Variants in PCDHGA6 observed in about 807,000 individuals in gnomAD.
The protein encoded by PCDHGA6 is protocadherin gamma subfamily A, 6.
PCDHGA6 carries 41 observed loss-of-function variants against 60.6 expected under a neutral mutation model. The ratio of observed to expected loss-of-function variants is 0.68; its 90% CI spans 0.53 to 0.88. PCDHGA6 has a LOEUF of 0.88. Ranked by LOEUF, PCDHGA6 falls within the 40% of genes least tolerant of loss-of-function variation. PCDHGA6 has a pLI of 0.00. For missense variants in PCDHGA6, 1,312 were observed against 1,203.0 expected, an observed-to-expected ratio of 1.09 and a Z score of -1.34; for synonymous variants, 594 against 524.4, an observed-to-expected ratio of 1.13 and a Z score of -1.81.
At position 141,486,392 on chromosome 5, in the gene PCDHGA6, C is replaced by T; in HGVS notation, c.2425-8415C>T. ...GTCTGCCTTCAGGAACCAGTTCTCC[C>T]TGGTGACTGCTGGACCCTTGGATCG... On this transcript the variant is annotated intron_variant, in intron 1 of 3. Coordinates refer to ENST00000517434, the MANE Select transcript of PCDHGA6 (RefSeq NM_018919.3). The surrounding 1 kb of genome is among the most constrained non-coding windows in gnomAD (Gnocchi z 5.0). 1 of 1,614,170 alleles carries T rather than the reference C, an allele frequency of 6.2e-7. No individual in the cohort carries two copies. Among genetic ancestry groups the T allele is most frequent in the Non-Finnish European group, 8.5e-7 (1 of 1,180,014 alleles).
intron 1 of PCDHGA6, among the ~76,000 whole-genome samples, chr5:141,465,130 AAG>A (rs1277023430): frequency 2.6e-5 from 4 of 151,968 alleles, no homozygotes; most frequent in Non-Finnish European, 5.9e-5. Flanking sequence ...AATTTGTAAA[AAG>A]TTTAGGGGAT....
Position 141,475,863 on chromosome 5 carries a change from C to G in PCDHGA6, c.2425-18944C>G, listed in dbSNP as rs1037784260. On this transcript the variant is annotated intron_variant, in intron 1 of 3. Transcript: ENST00000517434. ...TCAGAGAGCCCGGCGCTAGCTCATT[C>G]TTCGTGCAGTTATTGGCTGGGACTC... is the stretch of plus-strand genomic sequence containing the variant. 1.4e-5 allele frequency: 7 copies of G among 499,790 alleles called. 1 individual carries two copies. The highest frequency in any genetic ancestry group is 1.4e-4 in the African/African-American group (7 of 51,600). The allele number at this position is 499,790 out of a possible 1,614,324, so 31.0% of individuals were successfully genotyped here. A position where few individuals can be genotyped will look rare whatever the true frequency, so the allele number is the denominator to read the frequency against.
chr5:141,427,807 A>T (rs1443881781), intron 1 of PCDHGA6: 2 of 1,521,932 alleles, frequency 1.3e-6, no homozygotes, highest in East Asian at 2.3e-5. Flanking sequence ...GTGAGCGCAC[A>T]GAGCGGGGTG....
chr5:141,477,857 C>T lies in PCDHGA6; in HGVS notation c.2425-16950C>T. ...AGGTGGGAGCTCGGTGGAGATGCTG[C>T]CTCGAGGTACCTCAGCTGGCCACCT... On this transcript the variant is annotated intron_variant, in intron 1 of 3. Transcript: ENST00000517434. The surrounding 1 kb of genome is among the most constrained non-coding windows in gnomAD (Gnocchi z 4.9). The T allele has an allele frequency of 6.2e-7, 1 of 1,613,574 alleles. No individual in the cohort carries two copies. The highest frequency in any genetic ancestry group is 8.5e-7 in the Non-Finnish European group (1 of 1,179,836).
At chr5:141,405,472 T>G in intron 1 of PCDHGA6, 1 of 1,056,196 alleles carries the variant, frequency 9.5e-7, no homozygotes, top group Non-Finnish European at 1.4e-6. Context: ...CAGGCTGGAA[T>G]GCAGTGGTGT....
rs1372113910 is a variant in PCDHGA6, at chr5:141,384,481, C to T, written c.2424+7974C>T. On this transcript the variant is annotated intron_variant, in intron 1 of 3. Coordinates refer to ENST00000517434, the MANE Select transcript of PCDHGA6 (RefSeq NM_018919.3). ...CTTTGATTATGAGCAGTTGAGAGAA[C>T]TACAACTAAGAGTGACTGCACATGA... 1.9e-6 allele frequency: 3 copies of T among 1,614,022 alleles called. No homozygotes were observed. The Admixed American group carries it at 5.0e-5, about 27-fold the overall frequency.
chr5:141,438,586 A>G (rs949534736), intron 1 of PCDHGA6, among the ~76,000 whole-genome samples: 2 of 56,254 alleles, frequency 3.6e-5, no homozygotes, highest in South Asian at 6.2e-4. Context: ...ATACATACAT[A>G]CATACATATA....
rs756423770 is a variant in PCDHGA6 at position 141,430,950 on chromosome 5, T to G, written c.2424+54443T>G. 8 of 1,609,862 alleles carry G rather than the reference T, an allele frequency of 5.0e-6. No individual in the cohort carries two copies. The East Asian group carries it at 1.6e-4, about 31-fold the overall frequency. On this transcript the variant is annotated intron_variant, in intron 1 of 3. Coordinates refer to ENST00000517434, the MANE Select transcript of PCDHGA6 (RefSeq NM_018919.3). ...CCCCGGGAGCTCGCGGAGCGCGGAG[T>G]CCGCATCATCCCCAGAGGTAGGACG...
chr5:141,411,299 G>C (rs1020908131), intron 1 of PCDHGA6: 1 of 152,284 alleles, frequency 6.6e-6, no homozygotes, highest in Non-Finnish European at 1.5e-5. Context: ...GACAGGCCCA[G>C]TGGCTCACAC....
intron 1 of PCDHGA6, chr5:141,384,316 T>C (rs1779949710): frequency 6.2e-7 from 1 of 1,613,858 alleles, no homozygotes; most frequent in Non-Finnish European, 8.5e-7. Context: ...CTCCATTTTC[T>C]TAGTGACTGC....
intron 1 of PCDHGA6, among the ~76,000 whole-genome samples, chr5:141,448,115 T>A (rs62379166): frequency 0.025 from 3,743 of 151,768 alleles, 65 homozygotes; most frequent in Middle Eastern, 0.086. Flanking sequence ...GAAAAGAAAA[T>A]TAGCCTCCCC....
chr5:141,415,786 A>ATT, intron 1 of PCDHGA6: 2 of 1,374,914 alleles, frequency 1.5e-6, no homozygotes, highest in Non-Finnish European at 1.9e-6. Flanking sequence ...TTCTGGTAAA[A>ATT]TTCACCTAGT....
intron 1 of PCDHGA6, chr5:141,418,046 G>A (rs757311166): frequency 1.9e-6 from 3 of 1,613,888 alleles, no homozygotes; most frequent in Admixed American, 3.3e-5. Flanking sequence ...GGATGTGTCG[G>A]CTCGCGAGCT....
chr5:141,399,510 C>G, intron 1 of PCDHGA6: 1 of 1,614,040 alleles, frequency 6.2e-7, no homozygotes, highest in East Asian at 2.2e-5. Flanking sequence ...CCGAAAACAA[C>G]CCTCCTGGGG....
At chr5:141,448,359 CTTTA>C in intron 1 of PCDHGA6, among the ~76,000 whole-genome samples, 1 of 152,074 alleles carries the variant, frequency 6.6e-6, no homozygotes, top group East Asian at 1.9e-4. Context: ...TAGTAGTTTT[CTTTA>C]TTTTATTTTT....
Position 141,491,162 on chromosome 5 carries a change from C to T in PCDHGA6, c.2425-3645C>T. 6.2e-7 allele frequency: 1 copy of T among 1,614,112 alleles called. No homozygotes were observed. Among genetic ancestry groups the T allele is most frequent in the Non-Finnish European group, 8.5e-7 (1 of 1,179,952 alleles). On this transcript the variant is annotated intron_variant, in intron 1 of 3. Coordinates refer to ENST00000517434, the MANE Select transcript of PCDHGA6 (RefSeq NM_018919.3). This position sits in a 1 kb window ranked among gnomAD's most constrained non-coding sequence, Gnocchi z 6.9. ...GCCTTACTGGAGGATGACTCTGACA[C>T]CCAGCAGGTGGTGGTCCTGGTGAGG...
Position 141,374,902 on chromosome 5 carries a change from C to A in PCDHGA6, c.819C>A (p.Val273=). 1 of 1,613,754 alleles carries A rather than the reference C, an allele frequency of 6.2e-7. No homozygotes were observed. Among genetic ancestry groups the A allele is most frequent in the South Asian group, 1.1e-5 (1 of 91,066 alleles). Residue 273 remains valine, a synonymous_variant, in exon 1 of 4, where the codon GTC becomes GTA. Coordinates refer to ENST00000517434, the MANE Select transcript of PCDHGA6 (RefSeq NM_018919.3). ...CTGCCACCGACCAGGATGAAGGAGT[C>A]CACGGGGAAGTAACTTATTCCTTTG... The part of the protein sequence containing the change: ...AVTATDQDEG[V]HGEVTYSFVK...
chr5:141,484,941 C>T (rs2099604065), intron 1 of PCDHGA6: 2 of 543,888 alleles, frequency 3.7e-6, no homozygotes, highest in East Asian at 6.3e-5. Context: ...ACGTTCTCTG[C>T]TCAGCCTATT....
At chr5:141,402,534 TAC>T (rs2094278313) in intron 1 of PCDHGA6, among the ~76,000 whole-genome samples, 1 of 152,346 alleles carries the variant, frequency 6.6e-6, no homozygotes, top group Non-Finnish European at 1.5e-5. Context: ...GATTTTATAA[TAC>T]ACTTACAGAA....
Sources: gnomAD v4.1 joint callset for allele counts (sites outside exome capture counted in the v4.1 genomes callset) on GRCh38, gnomAD v4.1.1 for gene constraint, Gnocchi (gnomAD v3.1) non-coding constraint, MANE v1.5 for transcripts, NCBI Gene and HGNC (gene_info 2026-07-23, HGNC 2026-07-21) for gene names.